MYO7A: variants seen among roughly 807,000 people sequenced by gnomAD.
MYO7A encodes unconventional myosin-VIIa.
In MYO7A, 210 loss-of-function variants were observed where a neutral mutation model predicts 263.8. That is an observed-to-expected ratio of 0.80 (90% CI 0.71 to 0.89). The LOEUF is 0.89. Ranked by LOEUF, MYO7A falls within the 40% of genes least tolerant of loss-of-function variation. MYO7A has a pLI of 0.00. For missense variants in MYO7A, 2,820 were observed against 2,968.3 expected, an observed-to-expected ratio of 0.95 and a Z score of 1.16; for synonymous variants, 1,239 against 1,197.3, an observed-to-expected ratio of 1.03 and a Z score of -0.72.
Position 77,138,553 on chromosome 11 carries a change from A to G in MYO7A, c.19-4156A>G, listed in dbSNP as rs1951012093. Among the ~76,000 whole-genome samples the G allele has an allele frequency of 6.6e-6, 1 of 152,222 alleles. No individual in the cohort carries two copies. The highest frequency in any genetic ancestry group is 1.9e-4 in the East Asian group (1 of 5,180). ...CAGGGTGTGCATGGACTGCGGCCCT[A>G]GGATGCCACCTGCGGTCTCTGACCT... On this transcript the variant is annotated intron_variant, in intron 2 of 48. Transcript: ENST00000409709. This position sits in a 1 kb window ranked among gnomAD's most constrained non-coding sequence, Gnocchi z 4.9.
In MYO7A at chr11:77,156,969, C is replaced by T. The variant is rs41298133; in HGVS notation, c.700C>T (p.Gln234Ter). 2.5e-5 allele frequency: 41 copies of T among 1,613,910 alleles called. No individual in the cohort carries two copies. Among genetic ancestry groups the T allele is most frequent in the Admixed American group, 1.2e-4 (7 of 60,030 alleles). The change falls in exon 7 of 49, where the codon CAG (glutamine) becomes TAG (stop). Residue 234 changes from glutamine (Q) to a stop codon, truncating the protein, a stop_gained. Coordinates refer to ENST00000409709, the MANE Select transcript of MYO7A (RefSeq NM_000260.4). LOFTEE classifies it high-confidence loss of function. ...CGCCATCGAGGGCGCGAAGATTGAG[C>T]AGTACCTGCTGGAAAAGTCACGTGT... is the stretch of plus-strand genomic sequence containing the variant. Reference protein sequence around the residue: ...RGAIEGAKIEQYLLEKSRVCR... With the variant: ...RGAIEGAKIE
At chr11:77,198,665 A>C in intron 34 of MYO7A, 44 bp downstream of exon 34, 3 of 1,611,062 alleles carry the variant, frequency 1.9e-6, no homozygotes, top group Non-Finnish European at 2.5e-6. Context: ...GAGGGGAAGG[A>C]GAGGGGCTGG....
Position 77,199,702 on chromosome 11 carries a change from A to T in MYO7A, c.4736A>T (p.Glu1579Val), listed in dbSNP as rs1341570117. 8.7e-6 allele frequency: 14 copies of T among 1,613,680 alleles called. No homozygotes were observed. Among genetic ancestry groups the T allele is most frequent in the Non-Finnish European group, 1.2e-5 (14 of 1,179,842 alleles). Residue 1579 changes from glutamate (E) to valine (V), a missense_variant, in exon 35 of 49, where the codon GAA becomes GTA. Transcript: ENST00000409709. The stretch of plus-strand genomic sequence containing the variant: ...ACGCTGGCCACCATCAAGGGGGACG[A>T]ATACACCTTCACCTCCAGCAATGCT... ...SFTLATIKGD[E>V]YTFTSSNAED...
chr11:77,147,793 C>G lies in MYO7A; in HGVS notation c.133-5C>G, dbSNP rs782789512. The G allele has an allele frequency of 1.9e-6, 3 of 1,609,354 alleles. No homozygotes were observed. On this transcript the variant is annotated splice_region_variant and splice_polypyrimidine_tract_variant and intron_variant, in intron 3 of 48. Coordinates refer to ENST00000409709, the MANE Select transcript of MYO7A (RefSeq NM_000260.4). The stretch of plus-strand genomic sequence containing the variant: ...AGAGCACGCTGACGTTCTGGCTCCC[C>G]GCAGGAACACTGGATCTCTCCGCAG...
intron 9 of MYO7A, 39 bp downstream of exon 9, chr11:77,158,469 C>T (rs1555066096): frequency 2.5e-6 from 4 of 1,599,730 alleles, no homozygotes; most frequent in South Asian, 1.1e-5. Flanking sequence ...CACCCCTGCG[C>T]CAAGGGCAGT....
At chr11:77,170,119 A>G (rs1279433640) in intron 15 of MYO7A, among the ~76,000 whole-genome samples, 1 of 152,206 alleles carries the variant, frequency 6.6e-6, no homozygotes, top group Non-Finnish European at 1.5e-5. Context: ...TAAAACCTGC[A>G]GTGTATCAGA....
chr11:77,211,834 A>G lies in MYO7A; in HGVS notation c.6251A>G (p.Tyr2084Cys). The change falls in exon 46 of 49, where the codon TAC becomes TGC. Residue 2084 changes from tyrosine (Y) to cysteine (C), a missense_variant. Tyr to Cys is a radical substitution (Grantham distance 194, BLOSUM62 -2). Transcript: ENST00000409709. ...PDDWKRSIVA[Y>C]FNKHAGKSKE... ...CTGTCCCCATAGTCCATCGTCGCCT[A>G]CTTCAACAAGCACGCAGGGAAGTCC... 1.2e-6 allele frequency: 2 copies of G among 1,613,796 alleles called. No homozygotes were observed. Among genetic ancestry groups the G allele is most frequent in the Non-Finnish European group, 1.7e-6 (2 of 1,179,756 alleles).
rs886048677 is a variant in MYO7A at position 77,192,244 on chromosome 11, G to C, written c.4118G>C (p.Arg1373Pro). Residue 1373 changes from arginine to proline, a missense_variant, in exon 31 of 49, where the codon CGA (arginine) becomes CCA (proline). Transcript: ENST00000409709. ...AACCTCATCTACCAGCAGGTGGTGC[G>C]AGGAGTCAAGTTTGGGGAGTACAGG... Reference protein sequence around the residue: ...ATNLIYQQVVRGVKFGEYRCE... With the variant: ...ATNLIYQQVVPGVKFGEYRCE... 1.9e-6 allele frequency: 3 copies of C among 1,613,946 alleles called. No homozygotes were observed. The highest frequency in any genetic ancestry group is 1.7e-6 in the Non-Finnish European group (2 of 1,179,924).
intron 1 of MYO7A, among the ~76,000 whole-genome samples, chr11:77,129,490 C>G (rs571202944): frequency 6.6e-6 from 1 of 152,154 alleles, no homozygotes; most frequent in Non-Finnish European, 1.5e-5. Context: ...GGTCTGTAGG[C>G]TGGGGCTGCC....
intron 31 of MYO7A, among the ~76,000 whole-genome samples, chr11:77,192,634 G>A (rs1168015997): frequency 6.6e-6 from 1 of 152,136 alleles, no homozygotes; most frequent in African/African-American, 2.4e-5. Context: ...GCCATTCCTT[G>A]AGATCAGAAT....
Position 77,207,287 on chromosome 11 carries a change from A to G in MYO7A, c.5743-2A>G, listed in dbSNP as rs752310721. ...GAGCCCAGTGCTCACTGCCCCTCCC[A>G]GGCCTTCGAAGTGGAGTCCAGCACC... On this transcript the variant is annotated splice_acceptor_variant, in intron 41 of 48. Coordinates refer to ENST00000409709, the MANE Select transcript of MYO7A (RefSeq NM_000260.4). LOFTEE classifies it high-confidence loss of function. The G allele has an allele frequency of 1.2e-6, 2 of 1,605,870 alleles. No homozygotes were observed. Among genetic ancestry groups the G allele is most frequent in the South Asian group, 2.2e-5 (2 of 89,548 alleles).
At position 77,213,925 on chromosome 11, in the gene MYO7A, C is replaced by A; in HGVS notation, c.6504C>A (p.His2168Gln). 6.2e-7 allele frequency: 1 copy of A among 1,614,086 alleles called. No homozygotes were observed. The highest frequency in any genetic ancestry group is 8.5e-7 in the Non-Finnish European group (1 of 1,179,900). Residue 2168 changes from histidine (H) to glutamine (Q), a missense_variant, in exon 48 of 49, where the codon CAC (histidine) becomes CAA (glutamine). His to Gln is a conservative substitution (Grantham distance 24, BLOSUM62 0). Transcript: ENST00000409709. ...GGAGCAGCGGCAACACCTACTTCCA[C>A]ATCACCATTGGGAACTTGGTGCGCG... ...SNWSSGNTYF[H>Q]ITIGNLVRGS... is the part of the protein sequence containing the mutation.
At chr11:77,131,032 G>A (rs1555045913) in intron 2 of MYO7A, among the ~76,000 whole-genome samples, 1 of 152,202 alleles carries the variant, frequency 6.6e-6, no homozygotes, top group African/African-American at 2.4e-5. Flanking sequence ...TAGGGCCTTG[G>A]GGAGCAGTGA....
At chr11:77,192,495 C>G (rs1956167030) in intron 31 of MYO7A, among the ~76,000 whole-genome samples, 1 of 152,082 alleles carries the variant, frequency 6.6e-6, no homozygotes, top group African/African-American at 2.4e-5. Flanking sequence ...TGAGGATGTC[C>G]TGAATTCCAC....
chr11:77,160,043 G>T (rs1952837962), intron 10 of MYO7A, 120 bp from the exon 11 acceptor site: 29 of 1,424,030 alleles, frequency 2.0e-5, no homozygotes, highest in Non-Finnish European at 2.7e-5. Flanking sequence ...CCCTGGGGCA[G>T]GCGTGCTTAG....
intron 8 of MYO7A, 56 bp from the exon 9 acceptor site, chr11:77,158,221 C>T (rs1288283512): frequency 6.7e-7 from 1 of 1,503,454 alleles, no homozygotes; most frequent in Non-Finnish European, 8.9e-7. Flanking sequence ...AGGCACTGCC[C>T]CTCTGGGGGT....
intron 2 of MYO7A, among the ~76,000 whole-genome samples, chr11:77,133,546 C>G (rs1328594999): frequency 1.3e-5 from 2 of 152,218 alleles, no homozygotes; most frequent in Non-Finnish European, 2.9e-5. Flanking sequence ...CTTTTGGTTA[C>G]TATTTGCATG....
At chr11:77,166,259 C>A in intron 15 of MYO7A, 97 bp downstream of exon 15, 1 of 1,061,552 alleles carries the variant, frequency 9.4e-7, no homozygotes. Flanking sequence ...GCTGAGCCCC[C>A]TGGCCACATA....
chr11:77,172,511 C>T (rs77318529), intron 15 of MYO7A, among the ~76,000 whole-genome samples: 198 of 152,266 alleles, frequency 1.3e-3, no homozygotes, highest in African/African-American at 4.6e-3. Flanking sequence ...GTTCACTTCC[C>T]CCTCGCCCAG....
Sources: allele counts gnomAD v4.1 joint callset (sites outside exome capture counted in the v4.1 genomes callset), GRCh38; gene constraint gnomAD v4.1.1; non-coding constraint Gnocchi (gnomAD v3.1); transcripts MANE v1.5; gene names NCBI Gene and HGNC (gene_info 2026-07-23, HGNC 2026-07-21).